Variants in SLCO1C1 observed in about 807,000 individuals in gnomAD.
SLCO1C1 encodes the protein OAT-RP-5.
Under a neutral mutation model 76.4 loss-of-function variants are expected in SLCO1C1, and 70 were observed. The observed-to-expected ratio is 0.92, with a 90% CI of 0.76 to 1.12. The LOEUF (loss-of-function observed/expected upper bound fraction) is 1.12, where lower values mean the gene tolerates loss of function less well. Ranked by LOEUF, SLCO1C1 falls within the 50% of genes most tolerant of loss-of-function variation. The pLI, the probability that SLCO1C1 is intolerant of heterozygous loss-of-function variation, is 0.00. For missense variants in SLCO1C1, 912 were observed against 823.8 expected, an observed-to-expected ratio of 1.11 and a Z score of -1.31; for synonymous variants, 306 against 286.1, an observed-to-expected ratio of 1.07 and a Z score of -0.70.
chr12:20,731,096 A>T (rs1446219943), intron 9 of SLCO1C1, among the ~76,000 whole-genome samples: 1 of 152,222 alleles, frequency 6.6e-6, no homozygotes, highest in Non-Finnish European at 1.5e-5. Context: ...ACATGAATAA[A>T]TAAGCTATTT....
chr12:20,724,449 ATATG>A (rs1947853070), intron 9 of SLCO1C1, among the ~76,000 whole-genome samples: 4 of 94,574 alleles, frequency 4.2e-5, no homozygotes, highest in Non-Finnish European at 6.2e-5. Context: ...ATATATATAT[ATATG>A]TGTGTGTGTG....
chr12:20,717,339 T>A, intron 7 of SLCO1C1, 109 bp downstream of exon 7: 1 of 760,564 alleles, frequency 1.3e-6, no homozygotes, highest in Non-Finnish European at 2.0e-6. Context: ...GATGGAGTTG[T>A]AATCTTTCAT....
intron 12 of SLCO1C1, among the ~76,000 whole-genome samples, chr12:20,742,792 C>T (rs1948881986): frequency 6.6e-6 from 1 of 151,892 alleles, no homozygotes; most frequent in African/African-American, 2.4e-5. Context: ...GCCTCGGCCT[C>T]CCAAGGTGCT....
intron 6 of SLCO1C1, 115 bp downstream of exon 6, chr12:20,715,400 C>T: frequency 8.8e-7 from 1 of 1,142,368 alleles, no homozygotes; most frequent in Admixed American, 2.5e-5. Context: ...TATCCAACTC[C>T]TTTATTTAGC....
chr12:20,742,711 T>G (rs1397389599), intron 12 of SLCO1C1, among the ~76,000 whole-genome samples: 1 of 151,276 alleles, frequency 6.6e-6, no homozygotes, highest in Non-Finnish European at 1.5e-5. Flanking sequence ...TTTTTTTTTT[T>G]TTTTTTTTTT....
intron 6 of SLCO1C1, among the ~76,000 whole-genome samples, chr12:20,715,789 T>C (rs1163547170): frequency 6.6e-6 from 1 of 151,918 alleles, no homozygotes. Context: ...GAAAAGTATA[T>C]AAAAAATAAA....
intron 9 of SLCO1C1, among the ~76,000 whole-genome samples, chr12:20,732,504 G>T (rs11045419): frequency 0.04 from 6,138 of 152,184 alleles, 197 homozygotes; most frequent in Non-Finnish European, 0.055. Flanking sequence ...ATTTTGCCAG[G>T]GCGGGAGGCA....
At position 20,709,785 on chromosome 12, in the gene SLCO1C1, G is replaced by GCAGGAGAA. The variant is rs1456493609; in HGVS notation, c.405-1600_405-1593dup. On this transcript the variant is annotated intron_variant, in intron 4 of 14. Coordinates refer to ENST00000266509, the MANE Select transcript of SLCO1C1 (RefSeq NM_017435.5). ...AGTCCCAGCTACTCGGGAGGCTGAGGCAGGAGAATGGCGTGAACCCGGGAA... is the reference window on the plus strand; with the variant it reads ...AGTCCCAGCTACTCGGGAGGCTGAGGCAGGAGAACAGGAGAATGGCGTGAACCCGGGAA... 1.3e-4 allele frequency among the ~76,000 whole-genome samples: 7 copies of GCAGGAGAA among 55,698 alleles called. 3 individuals carry two copies. The highest frequency in any genetic ancestry group is 1.6e-4 in the Non-Finnish European group (4 of 24,876). The allele number at this position is 55,698 out of a possible 152,430, so 36.5% of individuals were successfully genotyped here.
intron 13 of SLCO1C1, 33 bp from the exon 14 acceptor site, chr12:20,750,642 G>GTT (rs776636207): frequency 1.3e-6 from 2 of 1,585,158 alleles, no homozygotes; most frequent in African/African-American, 2.7e-5. Flanking sequence ...ATGTGCATAT[G>GTT]TTTTTAACAG....
intron 4 of SLCO1C1, among the ~76,000 whole-genome samples, chr12:20,708,807 T>C (rs576940188): frequency 2.4e-4 from 37 of 152,282 alleles, no homozygotes; most frequent in African/African-American, 8.7e-4. Flanking sequence ...GATGGGCATT[T>C]GAATCACCCG....
intron 7 of SLCO1C1, among the ~76,000 whole-genome samples, chr12:20,720,997 C>CA (rs35297084): frequency 0.31 from 13,423 of 43,352 alleles, 1,779 homozygotes; most frequent in Non-Finnish European, 0.36. Flanking sequence ...AACTCCATCT[C>CA]AAAAAAAAAA....
At chr12:20,702,032 A>G (rs1410223299) in intron 3 of SLCO1C1, among the ~76,000 whole-genome samples, 1 of 151,934 alleles carries the variant, frequency 6.6e-6, no homozygotes, top group Non-Finnish European at 1.5e-5. Flanking sequence ...ACTCCTTAGA[A>G]ATTAAAAAGA....
intron 3 of SLCO1C1, among the ~76,000 whole-genome samples, chr12:20,703,317 T>A (rs535703280): frequency 2.6e-5 from 4 of 151,938 alleles, no homozygotes; most frequent in Non-Finnish European, 5.9e-5. Flanking sequence ...TTAGTTTTAA[T>A]TGATTTTCCA....
At chr12:20,711,574 G>C in intron 5 of SLCO1C1, 64 bp downstream of exon 5, 2 of 1,547,666 alleles carry the variant, frequency 1.3e-6, no homozygotes, top group Non-Finnish European at 1.8e-6. Flanking sequence ...ATGTGCTTTA[G>C]GATGGACAAA....
At chr12:20,740,814 T>TATATATATATATATATAC (rs1238632883) in intron 12 of SLCO1C1, among the ~76,000 whole-genome samples, 1 of 133,328 alleles carries the variant, frequency 7.5e-6, no homozygotes, top group Non-Finnish European at 1.6e-5. Context: ...TATATATATA[T>TATATATATATATATATAC]ATATGGCTTT....
At chr12:20,740,814 T>TATATATAC (rs1238632883) in intron 12 of SLCO1C1, among the ~76,000 whole-genome samples, 1 of 133,326 alleles carries the variant, frequency 7.5e-6, no homozygotes, top group Non-Finnish European at 1.6e-5. Context: ...TATATATATA[T>TATATATAC]ATATGGCTTT....
intron 1 of SLCO1C1, 55 bp from the exon 2 acceptor site, chr12:20,699,497 T>G: frequency 7.2e-7 from 1 of 1,384,184 alleles, no homozygotes; most frequent in East Asian, 2.7e-5. Context: ...AATAAAAAAA[T>G]TTAATAAATT....
At chr12:20,739,856 C>G (rs1948719808) in intron 11 of SLCO1C1, among the ~76,000 whole-genome samples, 1 of 152,006 alleles carries the variant, frequency 6.6e-6, no homozygotes, top group Non-Finnish European at 1.5e-5. Context: ...ATAAAGGGAG[C>G]ATTGTAACAA....
intron 4 of SLCO1C1, among the ~76,000 whole-genome samples, chr12:20,710,964 G>A (rs528682685): frequency 1.4e-4 from 21 of 152,216 alleles, no homozygotes; most frequent in African/African-American, 4.6e-4. Context: ...GCCCAGGTAC[G>A]TGTAAAGCAG....
Sources: gnomAD v4.1 joint callset for allele counts (sites outside exome capture counted in the v4.1 genomes callset) on GRCh38, gnomAD v4.1.1 for gene constraint, MANE v1.5 for transcripts, NCBI Gene and HGNC (gene_info 2026-07-23, HGNC 2026-07-21) for gene names.